WNK1: variants seen among roughly 807,000 people sequenced by gnomAD.
The protein encoded by WNK1 is serine/threonine-protein kinase WNK1.
In WNK1, 38 loss-of-function variants were observed where a neutral mutation model predicts 222.8. The observed-to-expected ratio is 0.17, with a 90% CI of 0.13 to 0.22. The LOEUF (loss-of-function observed/expected upper bound fraction) is 0.22. WNK1 is among the 10% of genes least tolerant of loss of function. The pLI is 1.00. For synonymous variants in WNK1, 1,090 were observed against 1,092.9 expected, an observed-to-expected ratio of 1.00 and a Z score of 0.05; for missense variants, 2,348 against 2,918.4, an observed-to-expected ratio of 0.80 and a Z score of 4.50.
intron 1 of WNK1, among the ~76,000 whole-genome samples, chr12:799,834 G>A (rs1455577887): frequency 2.0e-5 from 3 of 152,116 alleles, no homozygotes; most frequent in Admixed American, 6.6e-5. Flanking sequence ...ACAGGTGCAT[G>A]CCACCACACG....
Position 885,402 on chromosome 12 carries a change from C to G in WNK1, c.4598C>G (p.Ser1533Cys). 7 of 1,613,740 alleles carry G rather than the reference C, an allele frequency of 4.3e-6. No homozygotes were observed. The highest frequency in any genetic ancestry group is 5.9e-6 in the Non-Finnish European group (7 of 1,180,042). ...AGCGCACACTCACTAGATAAGACAT[C>G]TCATAGCAGTACAACTGGATTGGCT... is the stretch of plus-strand genomic sequence containing the variant. ...VVSAHSLDKT[S>C]HSSTTGLAFS... The change falls in exon 19 of 28, where the codon TCT (serine) becomes TGT (cysteine). Residue 1533 changes from serine to cysteine, a missense_variant. This residue lies in a region of WNK1 where 1,144 missense variants were observed against 1,273.6 expected (regional missense o/e 0.90). Transcript: ENST00000315939.
At chr12:860,448 C>G (rs2154065181) in intron 6 of WNK1, among the ~76,000 whole-genome samples, 1 of 152,322 alleles carries the variant, frequency 6.6e-6, no homozygotes, top group African/African-American at 2.4e-5. Flanking sequence ...TCGGATTTAT[C>G]AGAACCATTC....
intron 22 of WNK1, among the ~76,000 whole-genome samples, 188 bp downstream of exon 22, chr12:890,701 G>A (rs190231564): frequency 7.2e-5 from 11 of 152,286 alleles, no homozygotes; most frequent in Non-Finnish European, 1.5e-4. Context: ...CAGAGGAAAG[G>A]TTATACAGGA....
intron 1 of WNK1, among the ~76,000 whole-genome samples, chr12:759,919 T>A (rs999540633): frequency 8.8e-5 from 13 of 148,226 alleles, no homozygotes; most frequent in African/African-American, 2.2e-4. Context: ...CACATAAATA[T>A]TAACTGTGAT....
intron 1 of WNK1, among the ~76,000 whole-genome samples, chr12:797,773 C>G (rs184840571): frequency 3.8e-4 from 57 of 151,958 alleles, no homozygotes; most frequent in African/African-American, 1.4e-3. Flanking sequence ...CCGTGAAACC[C>G]CCATCTTTAC....
intron 3 of WNK1, among the ~76,000 whole-genome samples, chr12:829,486 A>C (rs898437155): frequency 1.3e-5 from 2 of 152,230 alleles, no homozygotes; most frequent in African/African-American, 4.8e-5. Context: ...CCTTCTTAAA[A>C]AGTGAAACTA....
At chr12:900,283 C>T (rs905124429) in intron 25 of WNK1, among the ~76,000 whole-genome samples, 193 bp from the exon 26 acceptor site, 2 of 152,176 alleles carry the variant, frequency 1.3e-5, no homozygotes, top group Non-Finnish European at 2.9e-5. Flanking sequence ...CCACAACACC[C>T]AGCCTATCTA....
At chr12:867,662 C>T (rs891712257) in intron 8 of WNK1, 1 of 598,584 alleles carries the variant, frequency 1.7e-6, no homozygotes, top group Non-Finnish European at 2.9e-6. Flanking sequence ...AAGCAAAGAG[C>T]CCACAGATTG....
chr12:819,964 G>A (rs1357560447), intron 2 of WNK1, among the ~76,000 whole-genome samples: 1 of 152,102 alleles, frequency 6.6e-6, no homozygotes, highest in Non-Finnish European at 1.5e-5. Context: ...GATTACTATA[G>A]TAATTTTTGT....
At chr12:829,968 C>T in intron 3 of WNK1, 35 bp from the exon 4 acceptor site, 3 of 1,613,236 alleles carry the variant, frequency 1.9e-6, no homozygotes, top group Non-Finnish European at 2.5e-6. Context: ...GAAGCTTCTG[C>T]TCGCATTGAG....
rs1956030342 is a variant in WNK1, at chr12:910,829, G to A, written c.*2037G>A. On this transcript the variant is annotated 3_prime_UTR_variant, in exon 28 of 28. Coordinates refer to ENST00000315939, the MANE Select transcript of WNK1 (RefSeq NM_018979.4). ...CTAAATATGCAAATGAGAGCTGAAG[G>A]TTTTTAAAAGGTAGAAAGGAAAAGG... is the stretch of plus-strand genomic sequence containing the variant. 6.6e-6 allele frequency: 1 copy of A among 152,558 alleles called. No individual in the cohort carries two copies. Among genetic ancestry groups the A allele is most frequent in the Admixed American group, 6.5e-5 (1 of 15,282 alleles). The allele number at this position is 152,558 out of a possible 1,614,324, so 9.5% of individuals were successfully genotyped here. A position where few individuals can be genotyped will look rare whatever the true frequency, so the allele number is the denominator to read the frequency against.
chr12:811,707 TA>T (rs992895824), intron 1 of WNK1, among the ~76,000 whole-genome samples: 75 of 148,544 alleles, frequency 5.0e-4, no homozygotes, highest in African/African-American at 1.6e-3. Flanking sequence ...GTTCCTAGAT[TA>T]AAAAAAAAAC....
At chr12:776,911 A>G (rs1943167117) in intron 1 of WNK1, among the ~76,000 whole-genome samples, 1 of 152,198 alleles carries the variant, frequency 6.6e-6, no homozygotes, top group Non-Finnish European at 1.5e-5. Flanking sequence ...TTGAGTCATA[A>G]TAACTGACTA....
intron 1 of WNK1, among the ~76,000 whole-genome samples, chr12:812,184 GT>G (rs1273489931): frequency 1.2e-4 from 18 of 152,050 alleles, no homozygotes; most frequent in Non-Finnish European, 2.5e-4. Context: ...TGATCATTCT[GT>G]ATGGGTTGTG....
intron 1 of WNK1, among the ~76,000 whole-genome samples, chr12:793,471 T>G (rs1190530007): frequency 6.6e-6 from 1 of 152,160 alleles, no homozygotes; most frequent in African/African-American, 2.4e-5. Context: ...CAATTGGTAG[T>G]AAAACATTGG....
At chr12:773,386 A>C (rs1942760611) in intron 1 of WNK1, among the ~76,000 whole-genome samples, 1 of 152,192 alleles carries the variant, frequency 6.6e-6, no homozygotes, top group Admixed American at 6.5e-5. Flanking sequence ...CCTTTATTTA[A>C]AGTGTTAAAT....
chr12:906,577 A>G lies in WNK1; in HGVS notation c.6644-1270A>G, dbSNP rs990903389. 3.0e-6 allele frequency: 3 copies of G among 985,252 alleles called. No homozygotes were observed. The African/African-American group carries it at 5.2e-5, about 17-fold the overall frequency. The allele number at this position is 985,252 out of a possible 1,614,324, so 61.0% of individuals were successfully genotyped here. A position where few individuals can be genotyped will look rare whatever the true frequency, so the allele number is the denominator to read the frequency against. On this transcript the variant is annotated intron_variant, in intron 26 of 27. Transcript: ENST00000315939. Reference sequence around the variant, plus strand: ...ATGTCTTCCTGAAGTTGAAAGATTCAGGCACACCATACAGTCCTTTCCTCA... The same window carrying G: ...ATGTCTTCCTGAAGTTGAAAGATTCGGGCACACCATACAGTCCTTTCCTCA...
intron 1 of WNK1, among the ~76,000 whole-genome samples, chr12:784,546 A>G (rs921594666): frequency 2.0e-5 from 3 of 152,218 alleles, no homozygotes; most frequent in Admixed American, 2.0e-4. Context: ...TATAGTTGAC[A>G]TAATAAAATG....
In WNK1 at chr12:859,632, G is replaced by GTGTGTGTGTGTGGT. The variant is rs369513114; in HGVS notation, c.1620+169_1620+170insGTGTGTGTGTGGTT. On this transcript the variant is annotated intron_variant, in intron 6 of 27. Coordinates refer to ENST00000315939, the MANE Select transcript of WNK1 (RefSeq NM_018979.4). ...ATTAGTGGGATTTTCGTGTGTGTGT[G>GTGTGTGTGTGTGGT]TTTTTTTTTTTTTTAAACTTCTTTG... 0.54 allele frequency among the ~76,000 whole-genome samples: 65,427 copies of GTGTGTGTGTGTGGT among 122,032 alleles called. 16,345 individuals are homozygous for GTGTGTGTGTGTGGT. Among genetic ancestry groups the GTGTGTGTGTGTGGT allele is most frequent in the East Asian group, 0.8 (3,825 of 4,808 alleles). 80.1% of individuals were successfully genotyped at this position (122,032 alleles called of 152,430 possible).
Sources: gnomAD v4.1 joint callset for allele counts (sites outside exome capture counted in the v4.1 genomes callset) on GRCh38, gnomAD v4.1.1 for gene constraint, gnomAD v4.1.1 regional missense constraint, MANE v1.5 for transcripts, NCBI Gene and HGNC (gene_info 2026-07-23, HGNC 2026-07-21) for gene names.